Variants in BICC1 observed in about 807,000 individuals in gnomAD.
BICC1 encodes the protein protein bicaudal C homolog 1.
In BICC1, 43 loss-of-function variants were observed where a neutral mutation model predicts 111.0. The ratio of observed to expected loss-of-function variants is 0.39; its 90% CI spans 0.30 to 0.50. The LOEUF (loss-of-function observed/expected upper bound fraction) is 0.50. Ranked by LOEUF, BICC1 falls within the 20% of genes least tolerant of loss-of-function variation. BICC1 has a pLI of 0.88. For missense variants in BICC1, 1,091 were observed against 1,203.2 expected, an observed-to-expected ratio of 0.91 and a Z score of 1.38; for synonymous variants, 467 against 434.4, an observed-to-expected ratio of 1.07 and a Z score of -0.93.
At chr10:58,795,251 C>T (rs1202852615) in intron 9 of BICC1, among the ~76,000 whole-genome samples, 2 of 152,124 alleles carry the variant, frequency 1.3e-5, no homozygotes, top group East Asian at 1.9e-4. Flanking sequence ...GTGGTAATCG[C>T]TGTCCAACTG....
chr10:58,798,448 C>T lies in BICC1; in HGVS notation c.1416C>T (p.Asn472=), dbSNP rs1843427844. 1.2e-6 allele frequency: 2 copies of T among 1,612,972 alleles called. No homozygotes were observed. The highest frequency in any genetic ancestry group is 1.7e-6 in the Non-Finnish European group (2 of 1,179,478). ...TLSLNTSTTP[N]SLLNALNSSV... is the part of the protein sequence containing the mutation. ...CTCTGAACACTTCAACAACCCCAAA[C>T]TCACTCTTGAATGCTCTTAATAGCT... is the stretch of plus-strand genomic sequence containing the variant. Residue 472 remains asparagine, a synonymous_variant, in exon 11 of 21, where the codon AAC becomes AAT. Coordinates refer to ENST00000373886, the MANE Select transcript of BICC1 (RefSeq NM_001080512.3).
intron 3 of BICC1, among the ~76,000 whole-genome samples, chr10:58,730,199 A>G (rs554888778): frequency 1.3e-5 from 2 of 152,326 alleles, no homozygotes; most frequent in South Asian, 2.1e-4. Flanking sequence ...AAAACAGCAA[A>G]AAAGGGGGTT....
At chr10:58,534,192 C>T (rs1257234470) in intron 1 of BICC1, among the ~76,000 whole-genome samples, 2 of 151,684 alleles carry the variant, frequency 1.3e-5, no homozygotes, top group Admixed American at 1.3e-4. Flanking sequence ...TCTCCCCTTA[C>T]CCAAGATAGC....
chr10:58,513,142 C>T lies in BICC1; in HGVS notation c.-2C>T. ...CGGGAGCCCGAGCGCTGCGCGCCCA[C>T]CATGGCCGCCCAGGGAGAGCCCGGC... On this transcript the variant is annotated 5_prime_UTR_variant, in exon 1 of 21. Transcript: ENST00000373886. 3.3e-6 allele frequency: 5 copies of T among 1,504,246 alleles called. No homozygotes were observed. Among genetic ancestry groups the T allele is most frequent in the South Asian group, 2.5e-5 (2 of 79,938 alleles). The allele number at this position is 1,504,246 out of a possible 1,614,324, so 93.2% of individuals were successfully genotyped here. A position where few individuals can be genotyped will look rare whatever the true frequency, so the allele number is the denominator to read the frequency against.
intron 2 of BICC1, among the ~76,000 whole-genome samples, chr10:58,658,895 G>T (rs1838749197): frequency 6.6e-6 from 1 of 152,092 alleles, no homozygotes; most frequent in Non-Finnish European, 1.5e-5. Flanking sequence ...AAGAAGTCAT[G>T]ATCTGGGCCT....
chr10:58,777,853 G>GT (rs1405020708), intron 3 of BICC1, among the ~76,000 whole-genome samples: 1 of 152,080 alleles, frequency 6.6e-6, no homozygotes, highest in Admixed American at 6.6e-5. Flanking sequence ...AAATACATTT[G>GT]TTTTTGCACT....
intron 3 of BICC1, among the ~76,000 whole-genome samples, chr10:58,718,742 A>ATGTGTGTGTGTGTGTGTGTG (rs371273354): frequency 4.4e-4 from 66 of 148,538 alleles, no homozygotes; most frequent in African/African-American, 1.1e-3. Context: ...TAGCATGGAA[A>ATGTGTGTGTGTGTGTGTGTG]TGTGTGTGTG....
In BICC1 at chr10:58,779,044, G is replaced by A. The variant is rs79466411; in HGVS notation, c.308-5957G>A. ...TCTTGGTAAAGTATGTATTTTCACC[G>A]TAAAAAAAATGTGATGTTGGTATGT... On this transcript the variant is annotated intron_variant, in intron 3 of 20. Transcript: ENST00000373886. Among the ~76,000 whole-genome samples the A allele has an allele frequency of 3.9e-3, 592 of 152,128 alleles. 2 individuals are homozygous for A. The highest frequency in any genetic ancestry group is 5.7e-3 in the Non-Finnish European group (389 of 67,982).
Position 58,828,257 on chromosome 10 carries a change from ATGGGGTCTTCT to A in BICC1, c.2795-502_2795-492del, listed in dbSNP as rs367715511. Among the ~76,000 whole-genome samples, 231 of 152,218 alleles carry A rather than the reference ATGGGGTCTTCT, an allele frequency of 1.5e-3. 1 individual carries two copies. Among genetic ancestry groups the A allele is most frequent in the African/African-American group, 5.3e-3 (220 of 41,532 alleles). ...TCCTCCAATATCCCTGTGCTTAGGT[ATGGGGTCTTCT>A]TTTTCATATCTGACTTTAATAAAAC... On this transcript the variant is annotated intron_variant, in intron 20 of 20. Transcript: ENST00000373886.
intron 1 of BICC1, among the ~76,000 whole-genome samples, chr10:58,531,970 T>C (rs893577105): frequency 4.0e-5 from 6 of 151,846 alleles, no homozygotes; most frequent in African/African-American, 1.4e-4. Flanking sequence ...TACATGAATT[T>C]CAGAAGAGGA....
chr10:58,721,941 A>G (rs1032432676), intron 3 of BICC1, among the ~76,000 whole-genome samples: 11 of 152,142 alleles, frequency 7.2e-5, no homozygotes, highest in African/African-American at 2.7e-4. Context: ...ATGGTTAATG[A>G]CTTGAGCCAA....
chr10:58,743,777 C>CTTT (rs5785345), intron 3 of BICC1, among the ~76,000 whole-genome samples: 16 of 143,746 alleles, frequency 1.1e-4, no homozygotes, highest in East Asian at 6.1e-4. Flanking sequence ...GTTTTCTTTT[C>CTTT]TTTTTTTTTT....
At chr10:58,720,543 G>T (rs1840905607) in intron 3 of BICC1, among the ~76,000 whole-genome samples, 1 of 152,158 alleles carries the variant, frequency 6.6e-6, no homozygotes, top group African/African-American at 2.4e-5. Flanking sequence ...TTCTAGTGTG[G>T]ATCTCAAAGG....
At chr10:58,718,606 G>A (rs556502876) in intron 3 of BICC1, among the ~76,000 whole-genome samples, 1 of 152,256 alleles carries the variant, frequency 6.6e-6, no homozygotes, top group African/African-American at 2.4e-5. Flanking sequence ...AAACTAGAAT[G>A]AAATGAATTG....
chr10:58,596,605 G>A (rs1844822369), intron 1 of BICC1, among the ~76,000 whole-genome samples: 1 of 152,180 alleles, frequency 6.6e-6, no homozygotes, highest in African/African-American at 2.4e-5. Flanking sequence ...TAGGAAGAGA[G>A]GAAGTCAAAT....
At chr10:58,557,193 A>G (rs1043238772) in intron 1 of BICC1, among the ~76,000 whole-genome samples, 7 of 151,414 alleles carry the variant, frequency 4.6e-5, no homozygotes, top group African/African-American at 1.2e-4. Flanking sequence ...AAGATGTTCT[A>G]CTCTTTTCTG....
At chr10:58,737,105 T>A (rs1341009420) in intron 3 of BICC1, among the ~76,000 whole-genome samples, 3 of 152,178 alleles carry the variant, frequency 2.0e-5, no homozygotes, top group Non-Finnish European at 4.4e-5. Context: ...TGTGATTTTT[T>A]AAAATTATAC....
rs558480456 is a variant in BICC1 at position 58,628,843 on chromosome 10, T to A, written c.237+7942T>A. On this transcript the variant is annotated intron_variant, in intron 2 of 20. Transcript: ENST00000373886. Reference sequence around the variant, plus strand: ...GAGAAAAGGTTGGCTCCAATGTCATTGCTAGGTACATAACATAAAATGAGG... The same window carrying A: ...GAGAAAAGGTTGGCTCCAATGTCATAGCTAGGTACATAACATAAAATGAGG... 2.0e-5 allele frequency among the ~76,000 whole-genome samples: 3 copies of A among 152,328 alleles called. No individual in the cohort carries two copies. In the South Asian group the frequency reaches 6.2e-4, roughly 32 times the overall value.
At chr10:58,523,987 G>T (rs6481403) in intron 1 of BICC1, among the ~76,000 whole-genome samples, 151,419 of 152,132 alleles carry the variant, frequency 1, 75,356 homozygotes, top group East Asian at 1. Context: ...GGAATCCAAC[G>T]TACAAGGGAT....
Sources: allele counts gnomAD v4.1 joint callset (sites outside exome capture counted in the v4.1 genomes callset), GRCh38; gene constraint gnomAD v4.1.1; transcripts MANE v1.5; gene names NCBI Gene and HGNC (gene_info 2026-07-23, HGNC 2026-07-21).